The following ANKRD10 variants were observed in gnomAD, a reference collection of about 807,000 sequenced individuals.
The protein encoded by ANKRD10 is ankyrin repeat domain-containing protein 10.
In ANKRD10, 14 loss-of-function variants were observed where a neutral mutation model predicts 27.0. The observed-to-expected ratio is 0.52, with a 90% CI of 0.34 to 0.81. The LOEUF (loss-of-function observed/expected upper bound fraction) is 0.81. Among genes scored for constraint, ANKRD10 ranks in the 40% least tolerant of loss-of-function variants. ANKRD10 has a pLI of 0.01. For missense variants in ANKRD10, 493 were observed against 544.0 expected (o/e 0.91, Z 0.93); for synonymous variants, 250 against 224.5 (o/e 1.11, Z -1.01).
Position 110,885,919 on chromosome 13 carries a change from A to G in ANKRD10, c.692-2126T>C, listed in dbSNP as rs1035507715. Among the ~76,000 whole-genome samples, 57 of 152,224 alleles carry G rather than the reference A, an allele frequency of 3.7e-4. 1 individual carries two copies. Among genetic ancestry groups the G allele is most frequent in the Admixed American group, 3.7e-3 (56 of 15,292 alleles). ...AGGTTAGAAAACCGCAACAGAGAAG[A>G]GCTTCACGAAAGCTGGGGTGTTTGT... is the stretch of plus-strand genomic sequence containing the variant. On this transcript the variant is annotated intron_variant, in intron 4 of 5. Transcript: ENST00000267339.
At chr13:110,888,710 T>C (rs138996458) in intron 4 of ANKRD10, among the ~76,000 whole-genome samples, 147 of 152,302 alleles carry the variant, frequency 9.7e-4, no homozygotes, top group African/African-American at 3.4e-3. Flanking sequence ...AGATCCTTTA[T>C]CCAGGTTAAA....
chr13:110,904,619 TAG>T lies in ANKRD10; in HGVS notation c.455+1412_455+1413del, dbSNP rs556571031. Among the ~76,000 whole-genome samples the T allele has an allele frequency of 3.0e-4, 45 of 152,270 alleles. 1 individual carries two copies. In the South Asian group the frequency reaches 7.7e-3, roughly 26 times the overall value. On this transcript the variant is annotated intron_variant, in intron 3 of 5. Transcript: ENST00000267339. ...TATAATGAAAGTTTGTTATAAAAAT[TAG>T]AGTTTTAAATCTAACTACAGCTAAG...
intron 2 of ANKRD10, among the ~76,000 whole-genome samples, chr13:110,908,401 C>T (rs998368007): frequency 2.0e-5 from 3 of 152,130 alleles, no homozygotes; most frequent in Non-Finnish European, 4.4e-5. Flanking sequence ...GAACACAGGC[C>T]TCTAGGCAGC....
intron 3 of ANKRD10, among the ~76,000 whole-genome samples, chr13:110,896,365 T>G (rs746089831): frequency 6.6e-6 from 1 of 152,230 alleles, no homozygotes; most frequent in Non-Finnish European, 1.5e-5. Context: ...AACATACAGT[T>G]TAATTTGTTA....
intron 3 of ANKRD10, chr13:110,894,156 G>A: frequency 6.2e-7 from 1 of 1,612,482 alleles, no homozygotes; most frequent in African/African-American, 1.3e-5. Flanking sequence ...ACTCCATGTT[G>A]AAGTTCCCCT....
intron 4 of ANKRD10, among the ~76,000 whole-genome samples, chr13:110,892,416 C>CAAAAAAAAATAAAAAAAA (rs2065099855): frequency 5.1e-5 from 1 of 19,550 alleles, no homozygotes; most frequent in Non-Finnish European, 7.5e-5. Flanking sequence ...GGTGACAGAG[C>CAAAAAAAAATAAAAAAAA]AAAAAAAAAA....
chr13:110,912,656 T>C (rs1441645483), intron 1 of ANKRD10, among the ~76,000 whole-genome samples: 1 of 152,226 alleles, frequency 6.6e-6, no homozygotes, highest in Non-Finnish European at 1.5e-5. Flanking sequence ...TTTAAACAAC[T>C]CGTTTAGTCC....
intron 5 of ANKRD10, among the ~76,000 whole-genome samples, chr13:110,882,851 T>C (rs1185510816): frequency 6.6e-6 from 1 of 152,176 alleles, no homozygotes; most frequent in Non-Finnish European, 1.5e-5. Context: ...TCATCCCCAG[T>C]GAAGAATTTG....
intron 4 of ANKRD10, among the ~76,000 whole-genome samples, chr13:110,891,244 TTTAA>T (rs1434114977): frequency 2.0e-5 from 3 of 152,214 alleles, no homozygotes; most frequent in African/African-American, 7.2e-5. Flanking sequence ...CTAACCAGGC[TTTAA>T]TTAAAGGAAA....
intron 5 of ANKRD10, among the ~76,000 whole-genome samples, chr13:110,882,972 T>C (rs2064847054): frequency 1.3e-5 from 2 of 152,346 alleles, no homozygotes; most frequent in East Asian, 1.9e-4. Flanking sequence ...AATAGCTAAA[T>C]GGACAAATCA....
intron 4 of ANKRD10, among the ~76,000 whole-genome samples, chr13:110,887,332 T>C (rs1393052473): frequency 6.6e-6 from 1 of 152,168 alleles, no homozygotes; most frequent in African/African-American, 2.4e-5. Context: ...CGGGAAGGTC[T>C]GCTGCATTAC....
intron 4 of ANKRD10, among the ~76,000 whole-genome samples, chr13:110,891,813 T>TC (rs1190775353): frequency 6.7e-6 from 1 of 150,298 alleles, no homozygotes; most frequent in African/African-American, 2.4e-5. Context: ...CTCCCACCTC[T>TC]CCCCCTAAGT....
Position 110,906,205 on chromosome 13 carries a change from C to G in ANKRD10, c.364-81G>C, listed in dbSNP as rs1029194625. 3.8e-6 allele frequency: 4 copies of G among 1,051,712 alleles called. No individual in the cohort carries two copies. In the South Asian group the frequency reaches 4.4e-5, roughly 12 times the overall value. The allele number at this position is 1,051,712 out of a possible 1,614,324, so 65.1% of individuals were successfully genotyped here. A position where few individuals can be genotyped will look rare whatever the true frequency, so the allele number is the denominator to read the frequency against. ...TGGAAGTAATGTCATTAACACAGAT[C>G]AGAGACCTTCTCATCCTTTTTTGAA... On this transcript the variant is annotated intron_variant, in intron 2 of 5. Coordinates refer to ENST00000267339, the MANE Select transcript of ANKRD10 (RefSeq NM_017664.4).
At chr13:110,894,424 A>AAAAAAC (rs1467879088) in intron 3 of ANKRD10, 1 of 305,350 alleles carries the variant, frequency 3.3e-6, no homozygotes, top group African/African-American at 2.2e-5. Flanking sequence ...AAAAAAAAAA[A>AAAAAAC]AAACCCCGCA....
At chr13:110,883,589 A>T (rs781365276) in intron 5 of ANKRD10, 109 bp downstream of exon 5, 1 of 1,501,790 alleles carries the variant, frequency 6.7e-7, no homozygotes, top group South Asian at 1.4e-5. Context: ...CATTGCTGAC[A>T]CAGTATATAT....
At chr13:110,914,440 G>A (rs2065822889) in intron 1 of ANKRD10, 1 of 270,738 alleles carries the variant, frequency 3.7e-6, no homozygotes, top group Non-Finnish European at 6.8e-6. Flanking sequence ...AGCCCGCCTT[G>A]TTAGAAACTT....
rs1221027256 is a variant in ANKRD10, at chr13:110,878,786, T to C, written c.*851A>G. The C allele has an allele frequency of 6.6e-6, 1 of 152,582 alleles. No individual in the cohort carries two copies. Among genetic ancestry groups the C allele is most frequent in the African/African-American group, 2.4e-5 (1 of 41,432 alleles). The allele number at this position is 152,582 out of a possible 1,614,324, so 9.5% of individuals were successfully genotyped here. ...ATTAAGAGAGTCAAAATTCTCTCAG[T>C]TAACTGGATATACATAGTGGTATAT... On this transcript the variant is annotated 3_prime_UTR_variant, in exon 6 of 6. Transcript: ENST00000267339.
At position 110,878,955 on chromosome 13, in the gene ANKRD10, T is replaced by C. The variant is rs2064760401; in HGVS notation, c.*682A>G. ...AGGAATCTGTTACATGTGGTAAAACTTCCAGAGACCAAGTAGGAAGTGTGG... is the reference window on the plus strand; with the variant it reads ...AGGAATCTGTTACATGTGGTAAAACCTCCAGAGACCAAGTAGGAAGTGTGG... On this transcript the variant is annotated 3_prime_UTR_variant, in exon 6 of 6. Transcript: ENST00000267339. 1 of 152,346 alleles carries C rather than the reference T, an allele frequency of 6.6e-6. No homozygotes were observed. The highest frequency in any genetic ancestry group is 1.5e-5 in the Non-Finnish European group (1 of 68,130). The allele number at this position is 152,346 out of a possible 1,614,324, so 9.4% of individuals were successfully genotyped here. A position where few individuals can be genotyped will look rare whatever the true frequency, so the allele number is the denominator to read the frequency against.
At chr13:110,886,032 G>A (rs1434221499) in intron 4 of ANKRD10, among the ~76,000 whole-genome samples, 2 of 152,312 alleles carry the variant, frequency 1.3e-5, no homozygotes, top group South Asian at 2.1e-4. Flanking sequence ...AAAAACACAA[G>A]GTAAACAAAA....
Sources: gnomAD v4.1 joint callset for allele counts (sites outside exome capture counted in the v4.1 genomes callset) on GRCh38, gnomAD v4.1.1 for gene constraint, MANE v1.5 for transcripts, NCBI Gene and HGNC (gene_info 2026-07-23, HGNC 2026-07-21) for gene names.